HSF2BP: variants seen among roughly 807,000 people sequenced by gnomAD.
HSF2BP encodes heat shock transcription factor 2 binding protein, also known as heat shock factor 2-binding protein.
HSF2BP carries 35 observed loss-of-function variants against 35.0 expected under a neutral mutation model. That is an observed-to-expected ratio of 1.00 (90% confidence interval 0.76 to 1.32). HSF2BP has a LOEUF of 1.32. HSF2BP is among the 40% of genes most tolerant of loss of function. HSF2BP has a pLI of 0.00. For synonymous variants in HSF2BP, 114 were observed against 117.4 expected (o/e 0.97, Z 0.18); for missense variants, 326 against 321.7 (o/e 1.01, Z -0.10).
chr21:43,602,722 G>A (rs2082066321), intron 7 of HSF2BP, among the ~76,000 whole-genome samples: 1 of 152,186 alleles, frequency 6.6e-6, no homozygotes, highest in Non-Finnish European at 1.5e-5. Flanking sequence ...ACAGTGAAAT[G>A]CACTGTGTCA....
At chr21:43,632,049 TC>T (rs140069817) in intron 5 of HSF2BP, among the ~76,000 whole-genome samples, 2,288 of 9,024 alleles carry the variant, frequency 0.25, 217 homozygotes, top group African/African-American at 0.44. Flanking sequence ...ACACACACGC[TC>T]CCCCCCCACA....
At chr21:43,584,615 T>C (rs1481160691) in intron 8 of HSF2BP, among the ~76,000 whole-genome samples, 2 of 152,144 alleles carry the variant, frequency 1.3e-5, no homozygotes, top group African/African-American at 4.8e-5. Flanking sequence ...AAAAATTAAC[T>C]CTCTTAGGGA....
chr21:43,658,218 C>T lies in HSF2BP; in HGVS notation c.-122G>A, dbSNP rs1015056380. On this transcript the variant is annotated 5_prime_UTR_variant, in exon 2 of 9. Transcript: ENST00000291560. ...GAACGGAGAGCCGCCAGGCCCAAAC[C>T]TCCCAGAATTTGCGCAGTATTCTCG... The T allele has an allele frequency of 1.7e-5, 20 of 1,196,502 alleles. No homozygotes were observed. The highest frequency in any genetic ancestry group is 2.0e-5 in the Non-Finnish European group (18 of 887,302). The allele number at this position is 1,196,502 out of a possible 1,614,324, so 74.1% of individuals were successfully genotyped here.
intron 8 of HSF2BP, among the ~76,000 whole-genome samples, chr21:43,582,566 T>A: frequency 1.4e-5 from 1 of 71,516 alleles, no homozygotes; most frequent in African/African-American, 6.4e-5. Flanking sequence ...GATGAGGACC[T>A]GCTGAGGGAG....
intron 2 of HSF2BP, among the ~76,000 whole-genome samples, chr21:43,657,127 T>C: frequency 6.6e-6 from 1 of 152,130 alleles, no homozygotes; most frequent in Non-Finnish European, 1.5e-5. Flanking sequence ...TCCCAGCACT[T>C]TGGGAGGCCG....
At chr21:43,647,360 G>A (rs2082722107) in intron 3 of HSF2BP, among the ~76,000 whole-genome samples, 1 of 152,018 alleles carries the variant, frequency 6.6e-6, no homozygotes. Flanking sequence ...CCGAGTAGCT[G>A]GGACTACAGG....
chr21:43,658,630 T>C (rs2082915275), intron 1 of HSF2BP, among the ~76,000 whole-genome samples: 1 of 152,106 alleles, frequency 6.6e-6, no homozygotes, highest in South Asian at 2.1e-4. Flanking sequence ...GCCCGCTGAG[T>C]CCGCAAAATA....
At chr21:43,467,959 TTA>T in the HSF2BP span, among the ~76,000 whole-genome samples, 2 of 13,528 alleles carry the variant, frequency 1.5e-4, no homozygotes, top group South Asian at 3.1e-3. Flanking sequence ...CACACCACAC[TTA>T]CACCACACAC....
intron 4 of HSF2BP, among the ~76,000 whole-genome samples, chr21:43,643,996 A>G (rs978693653): frequency 1.3e-5 from 2 of 152,320 alleles, no homozygotes; most frequent in African/African-American, 4.8e-5. Context: ...TCAGTATCAG[A>G]TATTTTGTTA....
chr21:43,649,994 C>A (rs536402661), intron 3 of HSF2BP, among the ~76,000 whole-genome samples: 30 of 152,280 alleles, frequency 2.0e-4, no homozygotes, highest in African/African-American at 7.2e-4. Context: ...TGTCTTCTTG[C>A]GACTTCACAA....
intron 6 of HSF2BP, among the ~76,000 whole-genome samples, chr21:43,619,660 A>G (rs1237313598): frequency 6.6e-6 from 1 of 152,244 alleles, no homozygotes; most frequent in Non-Finnish European, 1.5e-5. Flanking sequence ...ATGGAGGTGA[A>G]CAACTACTGT....
rs1470473885 is a variant in HSF2BP, at chr21:43,658,111, C to A, written c.-15G>T. 1 of 1,528,364 alleles carries A rather than the reference C, an allele frequency of 6.5e-7. No individual in the cohort carries two copies. Among genetic ancestry groups the A allele is most frequent in the Non-Finnish European group, 8.8e-7 (1 of 1,141,944 alleles). The allele number at this position is 1,528,364 out of a possible 1,614,324, so 94.7% of individuals were successfully genotyped here. A position where few individuals can be genotyped will look rare whatever the true frequency, so the allele number is the denominator to read the frequency against. ...GCTTCGCCCATGGCCGCTGCCGCCT[C>A]CGCTCCGTTCGCCTGAGCGTCGGCG... On this transcript the variant is annotated 5_prime_UTR_variant, in exon 2 of 9. Transcript: ENST00000291560.
At chr21:43,654,370 G>A (rs1462207462) in intron 3 of HSF2BP, among the ~76,000 whole-genome samples, 3 of 152,170 alleles carry the variant, frequency 2.0e-5, no homozygotes, top group East Asian at 1.9e-4. Flanking sequence ...AATGTTCCAC[G>A]TCTATTTGAA....
At chr21:43,581,321 G>A (rs910779956) in intron 8 of HSF2BP, among the ~76,000 whole-genome samples, 3 of 151,972 alleles carry the variant, frequency 2.0e-5, no homozygotes, top group East Asian at 1.9e-4. Context: ...GGGAGGCAGG[G>A]CTTGCAGTGA....
intron 4 of HSF2BP, among the ~76,000 whole-genome samples, chr21:43,641,416 A>ATGTGGG (rs2082635231): frequency 6.6e-6 from 1 of 152,166 alleles, no homozygotes; most frequent in Non-Finnish European, 1.5e-5. Context: ...ATAAGCAGGT[A>ATGTGGG]TCAAGACCCA....
intron 7 of HSF2BP, among the ~76,000 whole-genome samples, chr21:43,601,705 C>T (rs766748353): frequency 2.0e-5 from 3 of 152,144 alleles, no homozygotes; most frequent in Non-Finnish European, 4.4e-5. Flanking sequence ...GGAAATAATA[C>T]ACATTAGTTC....
chr21:43,636,273 A>G (rs186259515), intron 4 of HSF2BP, among the ~76,000 whole-genome samples: 124 of 146,794 alleles, frequency 8.4e-4, no homozygotes, highest in Non-Finnish European at 1.3e-3. Context: ...GAAAAGAAAA[A>G]ACGAAGGGGA....
intron 6 of HSF2BP, among the ~76,000 whole-genome samples, chr21:43,624,904 T>C (rs533330921): frequency 6.6e-6 from 1 of 152,300 alleles, no homozygotes; most frequent in South Asian, 2.1e-4. Context: ...CAATGTGCTA[T>C]CATTTACTAC....
At chr21:43,658,412 T>C (rs1248068543) in intron 1 of HSF2BP, 92 bp from the exon 2 acceptor site, 1 of 368,340 alleles carries the variant, frequency 2.7e-6, no homozygotes, top group Non-Finnish European at 4.9e-6. Context: ...AATGCTACAC[T>C]AAGGGGGACT....
Sources: gnomAD v4.1 joint callset for allele counts (sites outside exome capture counted in the v4.1 genomes callset) on GRCh38, gnomAD v4.1.1 for gene constraint, MANE v1.5 for transcripts, NCBI Gene and HGNC (gene_info 2026-07-23, HGNC 2026-07-21) for gene names.